The following PRR16 variants were observed in gnomAD, a reference collection of about 807,000 sequenced individuals.
The protein encoded by PRR16 is protein Largen.
In PRR16, 6 loss-of-function variants were observed where a neutral mutation model predicts 18.2. That is an observed-to-expected ratio of 0.33 (90% CI 0.18 to 0.65). PRR16 has a LOEUF of 0.65. Among genes scored for constraint, PRR16 ranks in the 30% least tolerant of loss-of-function variants. The pLI is 0.74. For synonymous variants in PRR16, 151 were observed against 147.8 expected (o/e 1.02, Z -0.16); for missense variants, 412 against 376.6 (o/e 1.09, Z -0.78).
intron 1 of PRR16, among the ~76,000 whole-genome samples, chr5:120,566,307 ATC>A (rs966865172): frequency 5.4e-4 from 82 of 152,206 alleles, no homozygotes; most frequent in Middle Eastern, 3.4e-3. Flanking sequence ...AGCCAAATAC[ATC>A]TCTTTCCTTT....
chr5:120,697,652 A>G, the PRR16 span, among the ~76,000 whole-genome samples: 17 of 149,150 alleles, frequency 1.1e-4, no homozygotes, highest in East Asian at 5.9e-4. Context: ...AGAGTCAGCG[A>G]AGGGAGATAA....
intron 1 of PRR16, among the ~76,000 whole-genome samples, chr5:120,470,394 A>T (rs1448819433): frequency 6.6e-6 from 1 of 152,178 alleles, no homozygotes; most frequent in Admixed American, 6.5e-5. Context: ...CTTTAGTACC[A>T]CATAAAAATA....
chr5:120,512,197 G>A lies in PRR16; in HGVS notation c.159+47552G>A, dbSNP rs1750850759. Reference sequence around the variant, plus strand: ...ACCTTGTTTCCCCTCCAGATACAGAGATAGCATTCAAGAGACACATCTCCT... The same window carrying A: ...ACCTTGTTTCCCCTCCAGATACAGAAATAGCATTCAAGAGACACATCTCCT... On this transcript the variant is annotated intron_variant, in intron 1 of 1. Transcript: ENST00000407149. Among the ~76,000 whole-genome samples the A allele has an allele frequency of 2.0e-5, 3 of 152,172 alleles. No individual in the cohort carries two copies. The South Asian group carries it at 6.2e-4, about 32-fold the overall frequency.
At chr5:120,745,301 G>C in the PRR16 span, among the ~76,000 whole-genome samples, 5 of 152,062 alleles carry the variant, frequency 3.3e-5, no homozygotes, top group African/African-American at 1.2e-4. Context: ...AAATGTTTCT[G>C]CTTTTTCTCT....
At chr5:120,735,408 G>T in the PRR16 span, among the ~76,000 whole-genome samples, 2 of 152,018 alleles carry the variant, frequency 1.3e-5, no homozygotes, top group African/African-American at 4.8e-5. Flanking sequence ...ATCAACAGTG[G>T]CTGCATTATT....
At chr5:120,754,767 TCTTTA>T in the PRR16 span, among the ~76,000 whole-genome samples, 20 of 149,804 alleles carry the variant, frequency 1.3e-4, no homozygotes, top group East Asian at 3.9e-4. Flanking sequence ...ATTGATAACA[TCTTTA>T]CTTTTCTTTA....
At chr5:120,735,892 C>T in the PRR16 span, among the ~76,000 whole-genome samples, 1 of 152,014 alleles carries the variant, frequency 6.6e-6, no homozygotes, top group Non-Finnish European at 1.5e-5. Context: ...AAAATCATTG[C>T]CAAATACAAT....
At chr5:120,642,602 A>G (rs773148716) in intron 1 of PRR16, among the ~76,000 whole-genome samples, 13 of 152,140 alleles carry the variant, frequency 8.5e-5, no homozygotes, top group Non-Finnish European at 7.4e-5. Context: ...CTGCATGTTT[A>G]CAATTCATGC....
the PRR16 span, among the ~76,000 whole-genome samples, chr5:120,792,037 A>G: frequency 3.3e-5 from 5 of 152,180 alleles, no homozygotes; most frequent in Non-Finnish European, 5.9e-5. Flanking sequence ...GAACTCATCC[A>G]TGAAGCAATC....
chr5:120,492,709 C>A (rs1343868144), intron 1 of PRR16, among the ~76,000 whole-genome samples: 1 of 152,096 alleles, frequency 6.6e-6, no homozygotes, highest in Non-Finnish European at 1.5e-5. Context: ...TTTATCCCTG[C>A]CCCTTGACAT....
chr5:120,541,988 G>A (rs961381617), intron 1 of PRR16, among the ~76,000 whole-genome samples: 2 of 151,016 alleles, frequency 1.3e-5, no homozygotes, highest in Non-Finnish European at 2.9e-5. Flanking sequence ...AAGCAATATA[G>A]CTTCTTGATA....
the PRR16 span, among the ~76,000 whole-genome samples, chr5:120,716,855 G>C: frequency 6.6e-6 from 1 of 152,168 alleles, no homozygotes; most frequent in East Asian, 1.9e-4. Flanking sequence ...CTGGGCAACA[G>C]AGCAAGACTC....
At chr5:120,646,448 A>ATT (rs1268175743) in intron 1 of PRR16, among the ~76,000 whole-genome samples, 2 of 151,958 alleles carry the variant, frequency 1.3e-5, no homozygotes, top group African/African-American at 4.8e-5. Flanking sequence ...AGGGACCGTC[A>ATT]TTAGCAAAGT....
chr5:120,486,874 G>A (rs1473607075), intron 1 of PRR16, among the ~76,000 whole-genome samples: 2 of 152,184 alleles, frequency 1.3e-5, no homozygotes, highest in Non-Finnish European at 2.9e-5. Context: ...TGGCTAGCCA[G>A]TTTTCCCAGC....
At chr5:120,650,786 A>T (rs1420934267) in intron 1 of PRR16, among the ~76,000 whole-genome samples, 4 of 152,130 alleles carry the variant, frequency 2.6e-5, no homozygotes, top group Non-Finnish European at 5.9e-5. Flanking sequence ...CACAATAAAC[A>T]TACGTGTGCA....
chr5:120,541,874 C>T (rs1751927029), intron 1 of PRR16, among the ~76,000 whole-genome samples: 1 of 151,972 alleles, frequency 6.6e-6, no homozygotes, highest in African/African-American at 2.4e-5. Context: ...ACTTCCTATT[C>T]TCTTGATCAT....
the PRR16 span, among the ~76,000 whole-genome samples, chr5:120,747,082 A>G: frequency 2.6e-5 from 4 of 152,322 alleles, no homozygotes; most frequent in African/African-American, 9.6e-5. Context: ...GTTGAAGAGA[A>G]AGTTCACCTT....
chr5:120,583,605 A>G (rs1170730357), intron 1 of PRR16, among the ~76,000 whole-genome samples: 2 of 152,186 alleles, frequency 1.3e-5, no homozygotes, highest in Non-Finnish European at 2.9e-5. Flanking sequence ...CTGTGTCAAG[A>G]CTGCCTTTAG....
At chr5:120,634,656 A>G (rs1474781055) in intron 1 of PRR16, among the ~76,000 whole-genome samples, 1 of 152,170 alleles carries the variant, frequency 6.6e-6, no homozygotes, top group Non-Finnish European at 1.5e-5. Context: ...AAATTAAAAA[A>G]TTAAGTCTGA....
Sources: allele counts gnomAD v4.1 joint callset (sites outside exome capture counted in the v4.1 genomes callset), GRCh38; gene constraint gnomAD v4.1.1; transcripts MANE v1.5; gene names NCBI Gene and HGNC (gene_info 2026-07-23, HGNC 2026-07-21).